Variants in COLEC11 observed in about 807,000 individuals in gnomAD.
COLEC11 encodes the protein collectin subfamily member 11, also known as collectin-11.
COLEC11 carries 20 observed loss-of-function variants against 27.3 expected under a neutral mutation model. That is an observed-to-expected ratio of 0.73 (90% CI 0.51 to 1.06). COLEC11 has a LOEUF of 1.06. Among genes scored for constraint, COLEC11 ranks in the 50% least tolerant of loss-of-function variants. The pLI, the probability that COLEC11 is intolerant of heterozygous loss-of-function variation, is 0.00. For missense variants in COLEC11, 310 were observed against 383.0 expected (o/e 0.81, Z 1.59); for synonymous variants, 163 against 154.7 (o/e 1.05, Z -0.40).
chr2:3,630,594 A>G (rs1325389156), intron 3 of COLEC11, among the ~76,000 whole-genome samples: 4 of 152,226 alleles, frequency 2.6e-5, no homozygotes, highest in Admixed American at 1.3e-4. Context: ...GGAAAGTTGG[A>G]TGCTTAATGA....
intron 3 of COLEC11, among the ~76,000 whole-genome samples, chr2:3,622,052 C>T (rs1009638812): frequency 5.9e-5 from 9 of 151,844 alleles, no homozygotes; most frequent in Non-Finnish European, 1.0e-4. Flanking sequence ...GCCTGTAGTC[C>T]TAGCTACTCA....
At chr2:3,640,155 T>C (rs2147963009) in intron 4 of COLEC11, 123 bp from the exon 5 acceptor site, 1 of 722,780 alleles carries the variant, frequency 1.4e-6, no homozygotes, top group South Asian at 1.5e-5. Context: ...TCCGGTACTT[T>C]GTAGCAACAA....
chr2:3,639,040 C>T (rs1282099537), intron 4 of COLEC11, among the ~76,000 whole-genome samples: 1 of 152,218 alleles, frequency 6.6e-6, no homozygotes, highest in Non-Finnish European at 1.5e-5. Flanking sequence ...CTAGATATTT[C>T]ACATATGTGG....
At chr2:3,612,248 G>C (rs11123649) in intron 2 of COLEC11, among the ~76,000 whole-genome samples, 88,352 of 151,726 alleles carry the variant, frequency 0.58, 28,334 homozygotes, top group South Asian at 0.8. Flanking sequence ...ACGCACCCAC[G>C]CACACGCATG....
chr2:3,598,599 G>T (rs993179668), intron 1 of COLEC11, among the ~76,000 whole-genome samples: 2 of 152,192 alleles, frequency 1.3e-5, no homozygotes, highest in African/African-American at 4.8e-5. Context: ...GTGGGGTCCT[G>T]GGTTTCCGCT....
chr2:3,612,190 A>G (rs1416318644), intron 2 of COLEC11, among the ~76,000 whole-genome samples: 4 of 152,020 alleles, frequency 2.6e-5, no homozygotes, highest in African/African-American at 9.7e-5. Flanking sequence ...GCGCACACAT[A>G]CACGTGCACA....
At position 3,607,449 on chromosome 2, in the gene COLEC11, CT is replaced by C. The variant is rs377560723; in HGVS notation, c.130+2994del. Among the ~76,000 whole-genome samples, 981 of 109,138 alleles carry C rather than the reference CT, an allele frequency of 9.0e-3. 19 individuals are homozygous for C. The highest frequency in any genetic ancestry group is 0.029 in the South Asian group (81 of 2,764). The allele number at this position is 109,138 out of a possible 152,430, so 71.6% of individuals were successfully genotyped here. On this transcript the variant is annotated intron_variant, in intron 2 of 6. Coordinates refer to ENST00000349077, the MANE Select transcript of COLEC11 (RefSeq NM_024027.5). ...CTTTATCAAATGAATTTTTTTTTTG[CT>C]TTTTTTTTTTTTTTGAGATGGAGTT... is the stretch of plus-strand genomic sequence containing the variant.
At chr2:3,614,777 G>A (rs1663523314) in intron 3 of COLEC11, among the ~76,000 whole-genome samples, 1 of 151,952 alleles carries the variant, frequency 6.6e-6, no homozygotes. Context: ...ACCTGGCAAA[G>A]TAAACGAAAA....
chr2:3,595,678 C>A (rs1661794771), intron 1 of COLEC11, among the ~76,000 whole-genome samples: 1 of 152,052 alleles, frequency 6.6e-6, no homozygotes, highest in Admixed American at 6.6e-5. Context: ...TGGCAACTTT[C>A]CAGGGAAAGA....
At chr2:3,600,253 C>G (rs1376497460) in intron 1 of COLEC11, among the ~76,000 whole-genome samples, 1 of 137,156 alleles carries the variant, frequency 7.3e-6, no homozygotes, top group African/African-American at 2.7e-5. Context: ...AAAAAAAAAG[C>G]AAAACTCAAA....
At chr2:3,640,535 C>T (rs1243931599) in intron 5 of COLEC11, among the ~76,000 whole-genome samples, 1 of 101,364 alleles carries the variant, frequency 9.9e-6, no homozygotes, top group Non-Finnish European at 1.9e-5. Context: ...CCGTCACATC[C>T]CACGGTGGAC....
chr2:3,622,399 T>C (rs1664249043), intron 3 of COLEC11, among the ~76,000 whole-genome samples: 1 of 152,222 alleles, frequency 6.6e-6, no homozygotes, highest in Admixed American at 6.5e-5. Context: ...TTTTAACCTT[T>C]ATACTAGAGT....
intron 1 of COLEC11, among the ~76,000 whole-genome samples, chr2:3,599,669 T>C (rs771379603): frequency 3.3e-5 from 5 of 152,198 alleles, no homozygotes; most frequent in Non-Finnish European, 7.3e-5. Context: ...GATTTGTAGC[T>C]GTCCCTCACC....
At chr2:3,617,732 G>A in intron 3 of COLEC11, 10 of 1,440,212 alleles carry the variant, frequency 6.9e-6, no homozygotes, top group Non-Finnish European at 8.8e-6. Flanking sequence ...GAGAAGTCTG[G>A]TCTGCGCAGT....
intron 2 of COLEC11, among the ~76,000 whole-genome samples, chr2:3,612,970 C>G (rs1310315451): frequency 6.6e-6 from 1 of 152,120 alleles, no homozygotes; most frequent in South Asian, 2.1e-4. Context: ...ACGCTGCCGC[C>G]CTTCTCATTG....
intron 3 of COLEC11, among the ~76,000 whole-genome samples, chr2:3,625,239 T>C (rs1282231250): frequency 6.6e-6 from 1 of 152,210 alleles, no homozygotes; most frequent in Non-Finnish European, 1.5e-5. Flanking sequence ...CTCCGAGGCC[T>C]GTCCCCACTG....
chr2:3,631,350 A>G (rs1356610099), intron 3 of COLEC11, among the ~76,000 whole-genome samples: 1 of 152,232 alleles, frequency 6.6e-6, no homozygotes, highest in Non-Finnish European at 1.5e-5. Context: ...TTGGATGCTC[A>G]AGGCATTTTG....
chr2:3,615,907 C>G (rs1663670010), intron 3 of COLEC11, among the ~76,000 whole-genome samples: 1 of 135,426 alleles, frequency 7.4e-6, no homozygotes, highest in Non-Finnish European at 1.6e-5. Context: ...GGCTGCCCCC[C>G]ACCTCCCTCC....
At chr2:3,633,379 T>C (rs1018680443) in intron 3 of COLEC11, among the ~76,000 whole-genome samples, 1 of 152,218 alleles carries the variant, frequency 6.6e-6, no homozygotes, top group African/African-American at 2.4e-5. Context: ...ATTTGGCCTT[T>C]AGCCATCTCT....
Sources: allele counts gnomAD v4.1 joint callset (sites outside exome capture counted in the v4.1 genomes callset), GRCh38; gene constraint gnomAD v4.1.1; transcripts MANE v1.5; gene names NCBI Gene and HGNC (gene_info 2026-07-23, HGNC 2026-07-21).